The following PITRM1 variants were observed in gnomAD, a reference collection of about 807,000 sequenced individuals.
PITRM1 encodes the protein presequence protease, mitochondrial.
In PITRM1, 100 loss-of-function variants were observed where a neutral mutation model predicts 129.9. The observed-to-expected ratio is 0.77, with a 90% CI of 0.65 to 0.91. PITRM1 has a LOEUF of 0.91. Ranked by LOEUF, PITRM1 falls within the 40% of genes least tolerant of loss-of-function variation. The pLI, the probability that PITRM1 is intolerant of heterozygous loss-of-function variation, is 0.00. For synonymous variants in PITRM1, 591 were observed against 508.8 expected, an observed-to-expected ratio of 1.16 and a Z score of -2.17; for missense variants, 1,471 against 1,318.3, an observed-to-expected ratio of 1.12 and a Z score of -1.79.
At chr10:3,140,974 G>A (rs1382695117) in intron 23 of PITRM1, among the ~76,000 whole-genome samples, 162 bp from the exon 24 acceptor site, 6 of 152,138 alleles carry the variant, frequency 3.9e-5, no homozygotes, top group Non-Finnish European at 8.8e-5. Flanking sequence ...ATGGGGTCTC[G>A]CTCTGTCGCC....
intron 1 of PITRM1, chr10:3,172,336 C>G (rs1431248769): frequency 2.0e-6 from 1 of 492,466 alleles, no homozygotes; most frequent in Non-Finnish European, 3.9e-6. Context: ...GGGCTGTGGG[C>G]GCCTCGGGTC....
Position 3,149,372 on chromosome 10 carries a change from T to C in PITRM1, c.1871+249A>G, listed in dbSNP as rs149682496. 1.3e-3 allele frequency: 446 copies of C among 334,962 alleles called. 3 individuals carry two copies. Among genetic ancestry groups the C allele is most frequent in the African/African-American group, 8.1e-3 (383 of 47,092 alleles). The allele number at this position is 334,962 out of a possible 1,614,324, so 20.7% of individuals were successfully genotyped here. On this transcript the variant is annotated intron_variant, in intron 16 of 26. Coordinates refer to ENST00000224949, the MANE Select transcript of PITRM1 (RefSeq NM_014889.4). ...ACCATCAATCCTTTCCAAAGCTTCA[T>C]AGGCTGAGATGGAGATCTATAAGTA...
At chr10:3,171,456 C>G (rs1843349239) in intron 1 of PITRM1, among the ~76,000 whole-genome samples, 1 of 151,828 alleles carries the variant, frequency 6.6e-6, no homozygotes, top group Non-Finnish European at 1.5e-5. Flanking sequence ...CACTAATTTT[C>G]TTTTTTGAGA....
In PITRM1 at chr10:3,140,745, C is replaced by G; in HGVS notation, c.2713G>C (p.Ala905Pro). Reference protein sequence around the residue: ...LHTEIREKGGAYGGGAKLSHN... With the variant: ...LHTEIREKGGPYGGGAKLSHN... ...CTGAGTTTTGCGCCTCCACCATAAGCACCGCCTTTTTCTCGAATTTCTGTA... is the reference window on the plus strand; with the variant it reads ...CTGAGTTTTGCGCCTCCACCATAAGGACCGCCTTTTTCTCGAATTTCTGTA... Residue 905 changes from alanine (A) to proline (P), a missense_variant, in exon 24 of 27, where the codon GCT (alanine) becomes CCT (proline). Coordinates refer to ENST00000224949, the MANE Select transcript of PITRM1 (RefSeq NM_014889.4). 2 of 1,597,968 alleles carry G rather than the reference C, an allele frequency of 1.3e-6. No homozygotes were observed. Among genetic ancestry groups the G allele is most frequent in the Non-Finnish European group, 1.7e-6 (2 of 1,171,506 alleles).
chr10:3,171,635 C>A (rs1412036799), intron 1 of PITRM1, among the ~76,000 whole-genome samples: 1 of 152,186 alleles, frequency 6.6e-6, no homozygotes, highest in Admixed American at 6.5e-5. Flanking sequence ...GAGACAGTTT[C>A]ACCATGTCGG....
At position 3,167,038 on chromosome 10, in the gene PITRM1, G is replaced by T; in HGVS notation, c.164C>A (p.Thr55Lys). 6.3e-7 allele frequency: 1 copy of T among 1,594,686 alleles called. No homozygotes were observed. The highest frequency in any genetic ancestry group is 8.6e-7 in the Non-Finnish European group (1 of 1,167,780). ...KIHGFTVNQV[T>K]SVPELFLTAV... is the part of the protein sequence containing the mutation. ...AGTCAGGAACAGCTCGGGAACAGAT[G>T]TCACCTGAGTTAACAAGAAAAACAC... is the stretch of plus-strand genomic sequence containing the variant. The change falls in exon 3 of 27, where the codon ACA becomes AAA. Residue 55 changes from threonine to lysine, a missense_variant. By Grantham distance (78) the Thr-to-Lys change is moderately conservative. Coordinates refer to ENST00000224949, the MANE Select transcript of PITRM1 (RefSeq NM_014889.4).
intron 25 of PITRM1, chr10:3,138,698 G>A: frequency 2.9e-6 from 2 of 690,954 alleles, no homozygotes; most frequent in East Asian, 2.6e-5. Flanking sequence ...CTGGGTCTCA[G>A]GTCAGTAAAA....
intron 4 of PITRM1, 43 bp from the exon 5 acceptor site, chr10:3,165,570 T>C (rs1414162902): frequency 8.8e-7 from 1 of 1,132,966 alleles, no homozygotes; most frequent in South Asian, 1.3e-5. Flanking sequence ...ATAACAGATT[T>C]CTACTAAAAT....
intron 2 of PITRM1, among the ~76,000 whole-genome samples, chr10:3,169,211 T>G (rs926497843): frequency 6.6e-6 from 1 of 152,256 alleles, no homozygotes; most frequent in Non-Finnish European, 1.5e-5. Context: ...TGTCTTTGCC[T>G]GGCCTTTGCA....
intron 23 of PITRM1, 110 bp from the exon 24 acceptor site, chr10:3,140,922 G>T: frequency 2.0e-6 from 2 of 996,444 alleles, no homozygotes; most frequent in Non-Finnish European, 3.0e-6. Flanking sequence ...AAATAATGCT[G>T]CATAAATTAT....
chr10:3,147,270 C>T lies in PITRM1; in HGVS notation c.2236-20G>A. 1 of 1,558,072 alleles carries T rather than the reference C, an allele frequency of 6.4e-7. No homozygotes were observed. The highest frequency in any genetic ancestry group is 1.7e-5 in the Admixed American group (1 of 59,526). ...CCGCACCTAAGCCAGAGGAAACTCG[C>T]TCAGAGAGAGGCAGAGGCTACAACA... On this transcript the variant is annotated intron_variant, in intron 19 of 26. Transcript: ENST00000224949.
chr10:3,167,450 A>T (rs569358897), intron 2 of PITRM1, among the ~76,000 whole-genome samples: 2 of 152,212 alleles, frequency 1.3e-5, no homozygotes, highest in Non-Finnish European at 2.9e-5. Context: ...TTACAGACGA[A>T]AAAACCGAGG....
Position 3,148,037 on chromosome 10 carries a change from C to T in PITRM1, c.2019G>A (p.Leu673=). The change falls in exon 18 of 27, where the codon CTG becomes CTA. Residue 673 remains leucine, a synonymous_variant. Transcript: ENST00000224949. ...GCATCATGTCTGGCAGGTTTCGATC[C>T]AGGCAGAGAGAGGAGAAAAGCACAC... ...EQGVLFSSLC[L]DRNLPDMMQL... 6.2e-7 allele frequency: 1 copy of T among 1,613,852 alleles called. No individual in the cohort carries two copies. The highest frequency in any genetic ancestry group is 8.5e-7 in the Non-Finnish European group (1 of 1,179,770).
Position 3,138,995 on chromosome 10 carries a change from A to G in PITRM1, c.2826T>C (p.Ala942=). 6.2e-7 allele frequency: 1 copy of G among 1,613,808 alleles called. No homozygotes were observed. Among genetic ancestry groups the G allele is most frequent in the Non-Finnish European group, 8.5e-7 (1 of 1,179,758 alleles). ...LQSFGKAVDW[A]KSGKFTQQDI... is the part of the protein sequence containing the mutation. Reference sequence around the variant, plus strand: ...CTTGCTGTGTGAATTTTCCAGACTTAGCCCAGTCGACAGCCTTCCCAAAAG... The same window carrying G: ...CTTGCTGTGTGAATTTTCCAGACTTGGCCCAGTCGACAGCCTTCCCAAAAG... The change falls in exon 25 of 27, where the codon GCT becomes GCC. Residue 942 remains alanine, a synonymous_variant. Coordinates refer to ENST00000224949, the MANE Select transcript of PITRM1 (RefSeq NM_014889.4).
Position 3,147,018 on chromosome 10 carries a change from C to T in PITRM1, c.2336+132G>A, listed in dbSNP as rs3740608. 3,763 of 522,382 alleles carry T rather than the reference C, an allele frequency of 7.2e-3. 79 individuals are homozygous for T. The highest frequency in any genetic ancestry group is 0.032 in the East Asian group (985 of 30,756). 32.4% of individuals were successfully genotyped at this position (522,382 alleles called of 1,614,324 possible). ...AATATTTTCTTAGTTTGTTAGAACA[C>T]TTGACATTTACAATAAATTCTATAA... is the stretch of plus-strand genomic sequence containing the variant. On this transcript the variant is annotated intron_variant, in intron 20 of 26. Coordinates refer to ENST00000224949, the MANE Select transcript of PITRM1 (RefSeq NM_014889.4).
chr10:3,172,768 C>T lies in PITRM1; in HGVS notation c.5G>A (p.Trp2Ter), dbSNP rs1843514380. ...CAGGCCCTGCCGCCCGCCGCAGCGC[C>T]ACATTGCGCATGACGAGCACCTGGC... The part of the protein sequence containing the change: M[W>*]RCGGRQGLCV... The change falls in exon 1 of 27, where the codon TGG becomes TAG. Residue 2 changes from tryptophan (W) to a stop codon, truncating the protein, a stop_gained. Transcript: ENST00000224949. LOFTEE classifies it high-confidence loss of function. 4 of 1,546,748 alleles carry T rather than the reference C, an allele frequency of 2.6e-6. No homozygotes were observed. The highest frequency in any genetic ancestry group is 2.6e-6 in the Non-Finnish European group (3 of 1,145,590).
intron 7 of PITRM1, among the ~76,000 whole-genome samples, chr10:3,162,408 G>A (rs149242762): frequency 1.7e-3 from 254 of 152,274 alleles, no homozygotes; most frequent in African/African-American, 5.4e-3. Flanking sequence ...AATTGATTCA[G>A]GCAATAATCC....
chr10:3,144,820 A>G (rs938568945), intron 21 of PITRM1, among the ~76,000 whole-genome samples: 2 of 152,210 alleles, frequency 1.3e-5, no homozygotes, highest in Non-Finnish European at 2.9e-5. Context: ...AACAAAAACT[A>G]AAAAAAGAAA....
chr10:3,147,072 T>C, intron 20 of PITRM1, 78 bp downstream of exon 20: 2 of 757,634 alleles, frequency 2.6e-6, no homozygotes, highest in Non-Finnish European at 4.4e-6. Context: ...TCTTGAAGTT[T>C]CTACAAGTAA....
Sources: allele counts gnomAD v4.1 joint callset (sites outside exome capture counted in the v4.1 genomes callset), GRCh38; gene constraint gnomAD v4.1.1; transcripts MANE v1.5; gene names NCBI Gene and HGNC (gene_info 2026-07-23, HGNC 2026-07-21).